The following SLC35F3 variants were observed in gnomAD, a reference collection of about 807,000 sequenced individuals.
The protein encoded by SLC35F3 is putative thiamine transporter SLC35F3.
A neutral mutation model predicts 49.9 loss-of-function variants in SLC35F3; 25 were observed. That is an observed-to-expected ratio of 0.50 (90% confidence interval 0.37 to 0.70). The LOEUF is 0.70. Among genes scored for constraint, SLC35F3 ranks in the 30% least tolerant of loss-of-function variants. SLC35F3 has a pLI of 0.00. For synonymous variants in SLC35F3, 275 were observed against 265.4 expected (o/e 1.04, Z -0.35); for missense variants, 525 against 639.8 (o/e 0.82, Z 1.94).
At chr1:234,028,522 C>A (rs1188180490) in intron 2 of SLC35F3, among the ~76,000 whole-genome samples, 2 of 152,144 alleles carry the variant, frequency 1.3e-5, no homozygotes, top group South Asian at 2.1e-4. Context: ...TGTTTGCTGT[C>A]CTGGTGTTCT....
intron 3 of SLC35F3, among the ~76,000 whole-genome samples, chr1:234,277,005 A>T (rs935051068): frequency 6.6e-6 from 1 of 152,184 alleles, no homozygotes; most frequent in Admixed American, 6.5e-5. Context: ...CTTCCCCTCA[A>T]TGCTGGGCTT....
intron 2 of SLC35F3, among the ~76,000 whole-genome samples, chr1:234,055,819 A>G (rs897434490): frequency 2.0e-5 from 3 of 152,224 alleles, no homozygotes; most frequent in African/African-American, 7.2e-5. Flanking sequence ...GATTTTACTC[A>G]TCTTTTACTA....
chr1:234,047,431 G>T (rs1664307501), intron 2 of SLC35F3, among the ~76,000 whole-genome samples: 1 of 152,192 alleles, frequency 6.6e-6, no homozygotes, highest in South Asian at 2.1e-4. Flanking sequence ...TAGAAAGAAG[G>T]CTGACCCTTT....
At chr1:234,108,675 T>G (rs60767938) in intron 2 of SLC35F3, among the ~76,000 whole-genome samples, 1 of 113,034 alleles carries the variant, frequency 8.8e-6, no homozygotes, top group East Asian at 2.4e-4. Context: ...ATAAAAGATA[T>G]ATATATTTTT....
chr1:234,171,703 G>A (rs1666401826), intron 2 of SLC35F3, among the ~76,000 whole-genome samples: 1 of 152,126 alleles, frequency 6.6e-6, no homozygotes, highest in African/African-American at 2.4e-5. Context: ...GGAGGGATTT[G>A]TTAAAAGTTA....
At chr1:234,080,825 A>C (rs567187520) in intron 2 of SLC35F3, among the ~76,000 whole-genome samples, 2 of 152,370 alleles carry the variant, frequency 1.3e-5, no homozygotes, top group African/African-American at 4.8e-5. Context: ...AAATATTTCA[A>C]ATAAGATAGT....
chr1:234,054,526 A>G (rs1316258539), intron 2 of SLC35F3, among the ~76,000 whole-genome samples: 3 of 152,162 alleles, frequency 2.0e-5, no homozygotes, highest in Non-Finnish European at 2.9e-5. Context: ...TGTTTATTCT[A>G]GTTAGCCATT....
chr1:234,231,369 G>A lies in SLC35F3; in HGVS notation c.284-48G>A, dbSNP rs1378995889. ...GCAGGGCAGCGCCCTGCGAAGTGCA[G>A]GGGTGAAGGTCTGCAGGCCCCGCTA... On this transcript the variant is annotated intron_variant, in intron 2 of 7. Transcript: ENST00000366618. The surrounding 1 kb of genome is among the most constrained non-coding windows in gnomAD (Gnocchi z 5.4). 7.1e-7 allele frequency: 1 copy of A among 1,407,268 alleles called. No individual in the cohort carries two copies. The highest frequency in any genetic ancestry group is 1.4e-5 in the African/African-American group (1 of 69,318). 87.2% of individuals were successfully genotyped at this position (1,407,268 alleles called of 1,614,324 possible).
At chr1:234,318,509 T>G (rs1401047609) in intron 5 of SLC35F3, among the ~76,000 whole-genome samples, 1 of 152,160 alleles carries the variant, frequency 6.6e-6, no homozygotes, top group East Asian at 1.9e-4. Flanking sequence ...AAACCTAGTA[T>G]GAAAACCCAT....
At chr1:233,953,871 C>T (rs1192321679) in intron 2 of SLC35F3, among the ~76,000 whole-genome samples, 1 of 152,038 alleles carries the variant, frequency 6.6e-6, no homozygotes, top group Admixed American at 6.5e-5. Context: ...AATGTGTAGA[C>T]CATGGGAGCA....
chr1:234,021,974 T>C (rs1479820787), intron 2 of SLC35F3, among the ~76,000 whole-genome samples: 1 of 152,256 alleles, frequency 6.6e-6, no homozygotes, highest in East Asian at 1.9e-4. Context: ...CCTTGGTTGT[T>C]ATGTTGAATA....
chr1:234,040,451 G>GC (rs1664202939), intron 2 of SLC35F3, among the ~76,000 whole-genome samples: 1 of 152,174 alleles, frequency 6.6e-6, no homozygotes, highest in African/African-American at 2.4e-5. Flanking sequence ...TGACTTGAAG[G>GC]CCGGGCTTCA....
chr1:234,013,849 A>G (rs1466273814), intron 2 of SLC35F3, among the ~76,000 whole-genome samples: 1 of 144,226 alleles, frequency 6.9e-6, no homozygotes. Context: ...AAACTTTCCC[A>G]TCAAAAAAAA....
chr1:234,189,235 C>T (rs1362434613), intron 2 of SLC35F3, among the ~76,000 whole-genome samples: 1 of 151,610 alleles, frequency 6.6e-6, no homozygotes, highest in Non-Finnish European at 1.5e-5. Flanking sequence ...ATTGCCAGAA[C>T]AAGAATTCAG....
chr1:234,182,224 T>G (rs1666568019), intron 2 of SLC35F3, among the ~76,000 whole-genome samples: 1 of 152,222 alleles, frequency 6.6e-6, no homozygotes, highest in African/African-American at 2.4e-5. Flanking sequence ...CAATTGTCCC[T>G]TCATTGGCCA....
intron 3 of SLC35F3, among the ~76,000 whole-genome samples, chr1:234,245,812 G>T (rs77300180): frequency 0.098 from 14,961 of 152,242 alleles, 1,001 homozygotes; most frequent in Non-Finnish European, 0.15. Flanking sequence ...AGGGTGGTCC[G>T]TGGTAATCAC....
At chr1:234,108,736 TCTTTTATATATAAAAGATATATATAA>T in intron 2 of SLC35F3, among the ~76,000 whole-genome samples, 1 of 51,190 alleles carries the variant, frequency 2.0e-5, no homozygotes, top group Non-Finnish European at 4.1e-5. Flanking sequence ...AATATATATA[TCTTTTATATATAAAAGATATATATAA>T]ATATATATAT....
intron 2 of SLC35F3, among the ~76,000 whole-genome samples, chr1:234,187,942 G>A (rs960767369): frequency 1.3e-5 from 2 of 152,142 alleles, no homozygotes; most frequent in African/African-American, 2.4e-5. Context: ...TCAACAGGTG[G>A]GGAGGCATGA....
chr1:234,004,723 T>C (rs572281722), intron 2 of SLC35F3, among the ~76,000 whole-genome samples: 6 of 152,262 alleles, frequency 3.9e-5, no homozygotes, highest in Non-Finnish European at 4.4e-5. Context: ...CCAAGAGCTG[T>C]CATTTATTTC....
Sources: gnomAD v4.1 joint callset for allele counts (sites outside exome capture counted in the v4.1 genomes callset) on GRCh38, gnomAD v4.1.1 for gene constraint, Gnocchi (gnomAD v3.1) non-coding constraint, MANE v1.5 for transcripts, NCBI Gene and HGNC (gene_info 2026-07-23, HGNC 2026-07-21) for gene names.